ANGPT1: variants seen among roughly 807,000 people sequenced by gnomAD.
ANGPT1 encodes angiopoietin-1.
Under a neutral mutation model 62.2 loss-of-function variants are expected in ANGPT1, and 17 were observed. That is an observed-to-expected ratio of 0.27 (90% confidence interval 0.19 to 0.41). The LOEUF is 0.41. Among genes scored for constraint, ANGPT1 ranks in the 10% least tolerant of loss-of-function variants. ANGPT1 has a pLI of 1.00. For synonymous variants in ANGPT1, 199 were observed against 198.9 expected, an observed-to-expected ratio of 1.00 and a Z score of 0.00; for missense variants, 478 against 594.9, an observed-to-expected ratio of 0.80 and a Z score of 2.04.
chr8:107,437,021 G>A (rs2959355), intron 1 of ANGPT1, among the ~76,000 whole-genome samples: 109,379 of 152,116 alleles, frequency 0.72, 39,652 homozygotes, highest in East Asian at 0.85. Context: ...AATTATTAAA[G>A]TCATCTACCA....
chr8:107,494,284 A>G (rs535356258), intron 1 of ANGPT1, among the ~76,000 whole-genome samples: 1 of 152,316 alleles, frequency 6.6e-6, no homozygotes, highest in East Asian at 1.9e-4. Flanking sequence ...AAAGTACAGG[A>G]TGTGGGCTAA....
chr8:107,371,002 C>G (rs1816398755), intron 1 of ANGPT1, among the ~76,000 whole-genome samples: 3 of 150,634 alleles, frequency 2.0e-5, no homozygotes, highest in Admixed American at 6.6e-5. Context: ...CTGTAAAATG[C>G]TATAAAGTGA....
intron 6 of ANGPT1, among the ~76,000 whole-genome samples, chr8:107,289,923 C>G (rs1814234758): frequency 6.6e-6 from 1 of 152,036 alleles, no homozygotes; most frequent in African/African-American, 2.4e-5. Flanking sequence ...TGCTGGAGGC[C>G]ACTAAAGGGT....
At chr8:107,291,075 TACAGTCTGA>T (rs1814260735) in intron 6 of ANGPT1, among the ~76,000 whole-genome samples, 4 of 152,216 alleles carry the variant, frequency 2.6e-5, no homozygotes, top group Admixed American at 2.6e-4. Flanking sequence ...AGTCTCTATC[TACAGTCTGA>T]TTTTCAGATG....
intron 1 of ANGPT1, among the ~76,000 whole-genome samples, chr8:107,359,504 A>C (rs1816115705): frequency 6.6e-6 from 1 of 152,218 alleles, no homozygotes; most frequent in African/African-American, 2.4e-5. Context: ...AGTTATTCTC[A>C]AACATAAATT....
chr8:107,442,976 A>G (rs1232184744), intron 1 of ANGPT1, among the ~76,000 whole-genome samples: 1 of 152,186 alleles, frequency 6.6e-6, no homozygotes, highest in East Asian at 1.9e-4. Flanking sequence ...TCTTTTCCTA[A>G]TGTAGAATGC....
At chr8:107,255,791 A>G (rs1359663060) in intron 8 of ANGPT1, among the ~76,000 whole-genome samples, 1 of 152,046 alleles carries the variant, frequency 6.6e-6, no homozygotes, top group African/African-American at 2.4e-5. Flanking sequence ...AGCCTGTAAA[A>G]TCCTACTAAA....
chr8:107,394,133 G>A (rs543250378), intron 1 of ANGPT1, among the ~76,000 whole-genome samples: 3 of 152,268 alleles, frequency 2.0e-5, no homozygotes, highest in African/African-American at 7.2e-5. Flanking sequence ...CCTAAAGCTA[G>A]GGGTTAGAGC....
intron 1 of ANGPT1, among the ~76,000 whole-genome samples, chr8:107,450,383 G>A (rs1279712844): frequency 6.6e-6 from 1 of 151,962 alleles, no homozygotes; most frequent in Non-Finnish European, 1.5e-5. Context: ...TTACATCTGT[G>A]TTATGTGATA....
intron 1 of ANGPT1, among the ~76,000 whole-genome samples, chr8:107,441,604 G>A (rs1037364232): frequency 6.6e-6 from 1 of 152,108 alleles, no homozygotes. Context: ...ATCACTAACA[G>A]GTTGTTTAAT....
intron 1 of ANGPT1, among the ~76,000 whole-genome samples, chr8:107,362,010 G>A (rs1010146025): frequency 2.0e-5 from 3 of 152,110 alleles, no homozygotes; most frequent in Non-Finnish European, 2.9e-5. Context: ...AGCTGAGATC[G>A]CGCCACTGCA....
intron 1 of ANGPT1, among the ~76,000 whole-genome samples, chr8:107,460,558 T>C (rs1260168082): frequency 6.6e-6 from 1 of 152,168 alleles, no homozygotes. Flanking sequence ...CTGCCACTGC[T>C]TTTGACTCTG....
At chr8:107,458,897 G>T (rs1277773064) in intron 1 of ANGPT1, among the ~76,000 whole-genome samples, 1 of 151,840 alleles carries the variant, frequency 6.6e-6, no homozygotes, top group Non-Finnish European at 1.5e-5. Flanking sequence ...CAAAACTAGG[G>T]CCCCAAAAGT....
chr8:107,468,002 G>A (rs892060183), intron 1 of ANGPT1, among the ~76,000 whole-genome samples: 3 of 152,064 alleles, frequency 2.0e-5, no homozygotes, highest in Non-Finnish European at 2.9e-5. Flanking sequence ...TATACCACAT[G>A]TTTGAAGGCA....
intron 1 of ANGPT1, among the ~76,000 whole-genome samples, chr8:107,462,411 A>T (rs1812093331): frequency 6.6e-6 from 1 of 151,738 alleles, no homozygotes; most frequent in Non-Finnish European, 1.5e-5. Flanking sequence ...AAAAAAAAAA[A>T]TAGGATCACA....
intron 8 of ANGPT1, among the ~76,000 whole-genome samples, chr8:107,263,183 G>A (rs1164598030): frequency 5.9e-5 from 9 of 151,696 alleles, no homozygotes; most frequent in Admixed American, 5.3e-4. Flanking sequence ...GTGAAACCCC[G>A]TCTTTACTAA....
At chr8:107,273,342 CTTG>C (rs2130079824) in intron 7 of ANGPT1, among the ~76,000 whole-genome samples, 1 of 152,080 alleles carries the variant, frequency 6.6e-6, no homozygotes, top group South Asian at 2.1e-4. Flanking sequence ...AATACTTTCC[CTTG>C]TTGTACTTGG....
intron 1 of ANGPT1, among the ~76,000 whole-genome samples, chr8:107,478,474 G>A (rs1237268224): frequency 6.6e-6 from 1 of 152,108 alleles, no homozygotes; most frequent in African/African-American, 2.4e-5. Flanking sequence ...GATTCAACCT[G>A]GGAGGCAGAG....
At chr8:107,362,148 A>G (rs1271450893) in intron 1 of ANGPT1, among the ~76,000 whole-genome samples, 2 of 152,248 alleles carry the variant, frequency 1.3e-5, no homozygotes, top group Non-Finnish European at 2.9e-5. Flanking sequence ...ACTTTCTTAT[A>G]TAAACACATT....
Sources: allele counts gnomAD v4.1 joint callset (sites outside exome capture counted in the v4.1 genomes callset), GRCh38; gene constraint gnomAD v4.1.1; transcripts MANE v1.5; gene names NCBI Gene and HGNC (gene_info 2026-07-23, HGNC 2026-07-21).